ANK3: variants seen among roughly 807,000 people sequenced by gnomAD.
ANK3 encodes ankyrin 3.
In ANK3, 57 loss-of-function variants were observed where a neutral mutation model predicts 370.9. That is an observed-to-expected ratio of 0.15 (90% confidence interval 0.12 to 0.19). The LOEUF is 0.19. ANK3 is among the 10% of genes least tolerant of loss of function. ANK3 has a pLI of 1.00. For synonymous variants in ANK3, 1,929 were observed against 1,946.3 expected, an observed-to-expected ratio of 0.99 and a Z score of 0.23; for missense variants, 4,439 against 5,302.1, an observed-to-expected ratio of 0.84 and a Z score of 5.06.
At position 60,074,752 on chromosome 10, in the gene ANK3, A is replaced by G. The variant is rs1213313275; in HGVS notation, c.6129T>C (p.Ser2043=). Residue 2043 remains serine (S), a synonymous_variant, in exon 37 of 44, where the codon AGT becomes AGC. Transcript: ENST00000280772. ...TGTATTTTAAGTTTGTCAGTGAACT[A>G]CTCCCAATATCATTTGTTAGGTAAT... ...VIDYLTNDIG[S]SSLTNLKYKF... The G allele has an allele frequency of 3.1e-6, 5 of 1,613,906 alleles. No individual in the cohort carries two copies. In the South Asian group the frequency reaches 5.5e-5, roughly 18 times the overall value.
chr10:60,384,518 A>C (rs909462158), intron 1 of ANK3, among the ~76,000 whole-genome samples: 1 of 152,222 alleles, frequency 6.6e-6, no homozygotes, highest in African/African-American at 2.4e-5. Context: ...CACAGTAGTT[A>C]AGAGCACAAG....
chr10:60,057,570 C>T (rs2079458468), intron 41 of ANK3, among the ~76,000 whole-genome samples: 1 of 152,046 alleles, frequency 6.6e-6, no homozygotes, highest in African/African-American at 2.4e-5. Context: ...AGCTTTATGA[C>T]TTTGGTTTAA....
At chr10:60,097,867 G>A (rs1317272180) in intron 28 of ANK3, among the ~76,000 whole-genome samples, 2 of 152,172 alleles carry the variant, frequency 1.3e-5, no homozygotes, top group African/African-American at 4.8e-5. Context: ...GATGATTTGT[G>A]TATCAGGGTT....
At chr10:60,537,461 A>G (rs1403769810) in intron 2 of ANK3, among the ~76,000 whole-genome samples, 1 of 151,944 alleles carries the variant, frequency 6.6e-6, no homozygotes, top group East Asian at 1.9e-4. Flanking sequence ...ATCACATCAT[A>G]CGCACAGAAA....
At chr10:60,545,548 C>T (rs960811544) in intron 2 of ANK3, among the ~76,000 whole-genome samples, 1 of 151,646 alleles carries the variant, frequency 6.6e-6, no homozygotes, top group Non-Finnish European at 1.5e-5. Flanking sequence ...ATTCTAGAAG[C>T]CTTCAAGCCT....
chr10:60,535,303 T>C (rs1469708856), intron 2 of ANK3, among the ~76,000 whole-genome samples: 1 of 152,094 alleles, frequency 6.6e-6, no homozygotes, highest in Non-Finnish European at 1.5e-5. Context: ...GGGAAATTCC[T>C]CACTTTTCAT....
At chr10:60,205,457 C>G (rs12358993) in intron 11 of ANK3, among the ~76,000 whole-genome samples, 285 of 152,156 alleles carry the variant, frequency 1.9e-3, no homozygotes, top group African/African-American at 6.6e-3. Flanking sequence ...CATGACTAAA[C>G]GCCCCTTGGG....
intron 1 of ANK3, among the ~76,000 whole-genome samples, chr10:60,309,922 CTTTTTT>C (rs71015785): frequency 4.0e-4 from 54 of 134,264 alleles, no homozygotes; most frequent in African/African-American, 1.4e-3. Context: ...TTTCTTTTTT[CTTTTTT>C]TTTTTTTTTT....
At chr10:60,547,241 C>A (rs1444365775) in intron 2 of ANK3, among the ~76,000 whole-genome samples, 1 of 151,510 alleles carries the variant, frequency 6.6e-6, no homozygotes, top group Non-Finnish European at 1.5e-5. Context: ...CAGGCACCTG[C>A]CACTATGGCT....
intron 7 of ANK3, among the ~76,000 whole-genome samples, chr10:60,247,287 G>A (rs1322063772): frequency 6.6e-6 from 1 of 152,068 alleles, no homozygotes; most frequent in Non-Finnish European, 1.5e-5. Context: ...AAAGTGCTGG[G>A]ATTACAGGTG....
At chr10:60,574,226 G>A (rs2077654033) in intron 2 of ANK3, among the ~76,000 whole-genome samples, 1 of 152,170 alleles carries the variant, frequency 6.6e-6, no homozygotes, top group African/African-American at 2.4e-5. Context: ...AGAAAGACAT[G>A]AGTTAGAGGG....
At chr10:60,412,780 GATTA>G (rs139282827) in intron 2 of ANK3, among the ~76,000 whole-genome samples, 6,541 of 152,114 alleles carry the variant, frequency 0.043, 468 homozygotes, top group African/African-American at 0.15. Flanking sequence ...ACATTTTACT[GATTA>G]ATTTTCTCTC....
At chr10:60,235,550 G>GTTTTTTTTTTTTTTTTTTTTTTTTT (rs72388493) in intron 7 of ANK3, among the ~76,000 whole-genome samples, 2 of 115,052 alleles carry the variant, frequency 1.7e-5, no homozygotes, top group Non-Finnish European at 3.5e-5. Flanking sequence ...CTGATTTCTT[G>GTTTTTTTTTTTTTTTTTTTTTTTTT]TTTTTTTTTT....
Position 60,507,899 on chromosome 10 carries a change from C to T in ANK3, c.96+107287G>A, listed in dbSNP as rs185299074. 6.6e-5 allele frequency: 10 copies of T among 152,134 alleles called. No individual in the cohort carries two copies. The East Asian group carries it at 1.9e-3, about 29-fold the overall frequency. The allele number at this position is 152,134 out of a possible 1,614,324, so 9.4% of individuals were successfully genotyped here. The stretch of plus-strand genomic sequence containing the variant: ...CCACATTCCTATTTAGCTTAAAATG[C>T]CTCTGGACTTCCTTCTAAATATAGA... On this transcript the variant is annotated intron_variant, in intron 2 of 43. Coordinates refer to the ANK3 transcript ENST00000373827.
intron 2 of ANK3, among the ~76,000 whole-genome samples, chr10:60,531,844 C>G (rs774571335): frequency 6.6e-6 from 1 of 152,040 alleles, no homozygotes; most frequent in Non-Finnish European, 1.5e-5. Flanking sequence ...TTCCTGATCC[C>G]ATTTCAGACC....
rs1484075890 is a variant in ANK3, at chr10:60,208,028, C to A, written c.1194+8G>T. 1 of 1,612,352 alleles carries A rather than the reference C, an allele frequency of 6.2e-7. No homozygotes were observed. Among genetic ancestry groups the A allele is most frequent in the South Asian group, 1.1e-5 (1 of 90,998 alleles). On this transcript the variant is annotated splice_region_variant and intron_variant, in intron 10 of 43. Transcript: ENST00000280772. ...ACTGAGGCTGGACTCGCTGGTTGAGCCACTCACCAGGGCTTTGGCATTGGG... is the reference window on the plus strand; with the variant it reads ...ACTGAGGCTGGACTCGCTGGTTGAGACACTCACCAGGGCTTTGGCATTGGG...
chr10:60,472,253 G>A (rs368077097), intron 2 of ANK3, among the ~76,000 whole-genome samples: 2 of 152,248 alleles, frequency 1.3e-5, no homozygotes, highest in Admixed American at 6.5e-5. Context: ...GAAATCTCAG[G>A]ATAGCACTTT....
chr10:60,263,743 T>C (rs2097842748), intron 6 of ANK3, 92 bp downstream of exon 6: 24 of 1,434,148 alleles, frequency 1.7e-5, no homozygotes, highest in Non-Finnish European at 2.3e-5. Flanking sequence ...AGGCATGGCA[T>C]AAGCTTGCGA....
chr10:60,272,437 A>T (rs1031901223), intron 4 of ANK3, among the ~76,000 whole-genome samples: 2 of 151,526 alleles, frequency 1.3e-5, no homozygotes, highest in African/African-American at 4.9e-5. Flanking sequence ...GGGCAGGTTC[A>T]GATTTTTAGA....
Sources: allele counts gnomAD v4.1 joint callset (sites outside exome capture counted in the v4.1 genomes callset), GRCh38; gene constraint gnomAD v4.1.1; transcripts MANE v1.5; gene names NCBI Gene and HGNC (gene_info 2026-07-23, HGNC 2026-07-21).